The following CCSER1 variants were observed in gnomAD, a reference collection of about 807,000 sequenced individuals.
CCSER1 encodes coiled-coil serine rich protein 1, also known as serine-rich coiled-coil domain-containing protein 1.
A neutral mutation model predicts 82.0 loss-of-function variants in CCSER1; 41 were observed. That is an observed-to-expected ratio of 0.50 (90% CI 0.39 to 0.65). The LOEUF is 0.65. Among genes scored for constraint, CCSER1 ranks in the 30% least tolerant of loss-of-function variants. The pLI, the probability that CCSER1 is intolerant of heterozygous loss-of-function variation, is 0.00. For synonymous variants in CCSER1, 414 were observed against 383.9 expected, an observed-to-expected ratio of 1.08 and a Z score of -0.92; for missense variants, 1,119 against 1,064.2, an observed-to-expected ratio of 1.05 and a Z score of -0.72.
At chr4:91,009,295 G>T (rs1738804672) in intron 9 of CCSER1, among the ~76,000 whole-genome samples, 1 of 152,190 alleles carries the variant, frequency 6.6e-6, no homozygotes. Context: ...GAATGCCTAG[G>T]TTTATATCCC....
intron 10 of CCSER1, among the ~76,000 whole-genome samples, chr4:91,442,897 G>C (rs897986463): frequency 1.3e-5 from 2 of 152,232 alleles, no homozygotes; most frequent in Non-Finnish European, 2.9e-5. Flanking sequence ...GGCCGTCAGA[G>C]AAATGCAAAT....
chr4:90,249,963 G>A (rs1255295720), intron 1 of CCSER1, among the ~76,000 whole-genome samples: 1 of 152,078 alleles, frequency 6.6e-6, no homozygotes, highest in African/African-American at 2.4e-5. Flanking sequence ...GTGCCTCATT[G>A]TGGGTTTGAT....
chr4:90,227,425 A>G (rs1379691476), intron 1 of CCSER1, among the ~76,000 whole-genome samples: 1 of 152,232 alleles, frequency 6.6e-6, no homozygotes, highest in Non-Finnish European at 1.5e-5. Context: ...AATTTATTTT[A>G]CTTCCTAATA....
chr4:91,133,547 T>C (rs1465164060), intron 10 of CCSER1, among the ~76,000 whole-genome samples: 4 of 152,156 alleles, frequency 2.6e-5, no homozygotes, highest in Non-Finnish European at 5.9e-5. Context: ...GAGGCATTGG[T>C]ATAAACTTTT....
At chr4:90,535,500 G>A (rs979835109) in intron 5 of CCSER1, among the ~76,000 whole-genome samples, 2 of 152,098 alleles carry the variant, frequency 1.3e-5, no homozygotes, top group Non-Finnish European at 2.9e-5. Flanking sequence ...GATTTAAAGA[G>A]AATTTTTTTA....
At chr4:91,202,812 C>CTCACATATATATGTGTGCATATATATGTG (rs1553911607) in intron 10 of CCSER1, among the ~76,000 whole-genome samples, 4 of 150,964 alleles carry the variant, frequency 2.6e-5, no homozygotes, top group Admixed American at 6.6e-5. Context: ...GATATACACA[C>CTCACATATATATGTGTGCATATATATGTG]TGTCTTTTTA....
chr4:90,548,604 A>G (rs561145884), intron 5 of CCSER1, among the ~76,000 whole-genome samples: 5 of 151,956 alleles, frequency 3.3e-5, no homozygotes, highest in Admixed American at 1.3e-4. Flanking sequence ...GCCTAGTATG[A>G]CGTGTCTCCT....
chr4:90,355,060 A>G (rs895861632), intron 3 of CCSER1, among the ~76,000 whole-genome samples: 2 of 152,080 alleles, frequency 1.3e-5, no homozygotes, highest in Non-Finnish European at 2.9e-5. Flanking sequence ...TGAGCCTCAA[A>G]TAGTTTATTT....
In CCSER1 at chr4:90,989,801, GCAA is replaced by G. The variant is rs1171895682; in HGVS notation, c.2172+66355_2172+66357del. Among the ~76,000 whole-genome samples the G allele has an allele frequency of 8.0e-4, 121 of 151,780 alleles. 1 individual carries two copies. The highest frequency in any genetic ancestry group is 1.8e-4 in the Non-Finnish European group (12 of 67,830). ...CAGTGTTGAAAACCACTAAAAAAAA[GCAA>G]GTCTTATATTTGACAGAAAACAGGG... On this transcript the variant is annotated intron_variant, in intron 9 of 10. Transcript: ENST00000509176.
chr4:90,830,965 T>A (rs1761046124), intron 8 of CCSER1, among the ~76,000 whole-genome samples: 1 of 152,166 alleles, frequency 6.6e-6, no homozygotes, highest in South Asian at 2.1e-4. Flanking sequence ...TCTGTAATCA[T>A]TTCACTCAGC....
chr4:90,691,087 A>G (rs945911089), intron 6 of CCSER1, among the ~76,000 whole-genome samples: 1 of 152,054 alleles, frequency 6.6e-6, no homozygotes, highest in African/African-American at 2.4e-5. Context: ...TGTCTGAGAC[A>G]TGATAGGTCT....
chr4:91,423,289 G>C (rs1386611951), intron 10 of CCSER1, among the ~76,000 whole-genome samples: 1 of 151,720 alleles, frequency 6.6e-6, no homozygotes, highest in Non-Finnish European at 1.5e-5. Flanking sequence ...AATTAGCCAG[G>C]CATGATGGAA....
chr4:90,686,206 A>G (rs983886746), intron 6 of CCSER1, among the ~76,000 whole-genome samples: 10 of 152,078 alleles, frequency 6.6e-5, no homozygotes, highest in African/African-American at 9.7e-5. Context: ...CAGGCCTCAG[A>G]GCTTCATCCA....
At chr4:91,439,818 G>GTT in intron 10 of CCSER1, among the ~76,000 whole-genome samples, 2 of 152,174 alleles carry the variant, frequency 1.3e-5, no homozygotes, top group Non-Finnish European at 2.9e-5. Flanking sequence ...TGCAATCCTA[G>GTT]TCTTGGATAA....
chr4:90,800,789 G>A (rs2123961), intron 7 of CCSER1, among the ~76,000 whole-genome samples: 51,539 of 151,650 alleles, frequency 0.34, 8,909 homozygotes, highest in East Asian at 0.43. Flanking sequence ...TATGACCCTG[G>A]GAAATTTGGT....
At chr4:90,540,522 C>T (rs1258301706) in intron 5 of CCSER1, among the ~76,000 whole-genome samples, 2 of 152,060 alleles carry the variant, frequency 1.3e-5, no homozygotes, top group Non-Finnish European at 2.9e-5. Context: ...TAATAGACAA[C>T]AGCAGAACCT....
rs11943559 is a variant in CCSER1, at chr4:90,930,326, G to A, written c.2172+6879G>A. Among the ~76,000 whole-genome samples the A allele has an allele frequency of 9.8e-3, 1,490 of 152,184 alleles. 33 individuals carry two copies. Among genetic ancestry groups the A allele is most frequent in the African/African-American group, 0.034 (1,428 of 41,506 alleles). On this transcript the variant is annotated intron_variant, in intron 9 of 10. Coordinates refer to ENST00000509176, the MANE Select transcript of CCSER1 (RefSeq NM_001145065.2). ...TTATATAATAAGAAGTCCTGGCTGG[G>A]CAGGGTGGCTCACGCCTGTAATCCC...
chr4:90,914,274 C>G (rs1208257712), intron 8 of CCSER1, among the ~76,000 whole-genome samples: 1 of 152,156 alleles, frequency 6.6e-6, no homozygotes, highest in Non-Finnish European at 1.5e-5. Context: ...TGTAAAAGAA[C>G]AGAAATTATA....
intron 10 of CCSER1, among the ~76,000 whole-genome samples, chr4:91,502,578 T>G (rs1054736279): frequency 6.6e-6 from 1 of 152,274 alleles, no homozygotes; most frequent in South Asian, 2.1e-4. Context: ...TTGATGAAGT[T>G]GAAGCACTAA....
Sources: gnomAD v4.1 joint callset for allele counts (sites outside exome capture counted in the v4.1 genomes callset) on GRCh38, gnomAD v4.1.1 for gene constraint, MANE v1.5 for transcripts, NCBI Gene and HGNC (gene_info 2026-07-23, HGNC 2026-07-21) for gene names.